The following EIF3A variants were observed in gnomAD, a reference collection of about 807,000 sequenced individuals.
EIF3A encodes EIF3, p180 subunit.
Under a neutral mutation model 186.6 loss-of-function variants are expected in EIF3A, and 21 were observed. The ratio of observed to expected loss-of-function variants is 0.11; its 90% CI spans 0.08 to 0.16. The LOEUF is 0.16. EIF3A is among the 10% of genes least tolerant of loss of function. EIF3A has a pLI of 1.00. For missense variants in EIF3A, 1,306 were observed against 1,796.3 expected, an observed-to-expected ratio of 0.73 and a Z score of 4.93; for synonymous variants, 563 against 584.3, an observed-to-expected ratio of 0.96 and a Z score of 0.52.
intron 7 of EIF3A, among the ~76,000 whole-genome samples, chr10:119,064,101 T>C (rs994379277): frequency 2.0e-5 from 3 of 152,108 alleles, no homozygotes; most frequent in African/African-American, 2.4e-5. Context: ...CAACACGTCT[T>C]AGGCTCCACA....
chr10:119,078,879 G>A (rs1219677670), intron 1 of EIF3A, among the ~76,000 whole-genome samples: 2 of 151,958 alleles, frequency 1.3e-5, no homozygotes, highest in Non-Finnish European at 2.9e-5. Context: ...AGCGATAAAG[G>A]AAACAAGACC....
chr10:119,058,383 T>C (rs7899678), intron 11 of EIF3A, 80 bp from the exon 12 acceptor site: 4 of 966,798 alleles, frequency 4.1e-6, no homozygotes, highest in Non-Finnish European at 6.0e-6. Flanking sequence ...TACAAAATAA[T>C]CCTGATGTAC....
chr10:119,049,746 C>T, intron 17 of EIF3A, 55 bp downstream of exon 17: 2 of 1,501,094 alleles, frequency 1.3e-6, no homozygotes, highest in Non-Finnish European at 1.8e-6. Context: ...TGTGCCTCAA[C>T]CAAAAAAAAA....
chr10:119,076,753 T>C (rs373831757), intron 1 of EIF3A, among the ~76,000 whole-genome samples: 2 of 151,952 alleles, frequency 1.3e-5, no homozygotes, highest in East Asian at 1.9e-4. Context: ...CTGGGCAACA[T>C]GGTGAAACCT....
At chr10:119,075,962 G>A (rs1311929176) in intron 1 of EIF3A, among the ~76,000 whole-genome samples, 3 of 130,582 alleles carry the variant, frequency 2.3e-5, no homozygotes, top group East Asian at 2.2e-4. Context: ...TCCTGACCTC[G>A]TGATCTGCCC....
chr10:119,052,363 T>TG (rs1848367277), intron 14 of EIF3A, among the ~76,000 whole-genome samples: 6 of 133,882 alleles, frequency 4.5e-5, no homozygotes, highest in African/African-American at 8.6e-5. Context: ...TAGTCTTTTT[T>TG]GGTTTTGTGT....
intron 6 of EIF3A, among the ~76,000 whole-genome samples, chr10:119,065,887 G>T (rs373739547): frequency 1.7e-3 from 247 of 148,778 alleles, no homozygotes; most frequent in Middle Eastern, 0.015. Flanking sequence ...GAGGCCAAGG[G>T]GGGCACATCA....
intron 17 of EIF3A, among the ~76,000 whole-genome samples, chr10:119,047,774 T>C (rs939094267): frequency 6.6e-6 from 1 of 152,076 alleles, no homozygotes; most frequent in Non-Finnish European, 1.5e-5. Flanking sequence ...ACCAAGGAAT[T>C]AGAACTACAA....
chr10:119,045,164 C>T (rs527847706), intron 17 of EIF3A, among the ~76,000 whole-genome samples: 1 of 152,112 alleles, frequency 6.6e-6, no homozygotes, highest in African/African-American at 2.4e-5. Context: ...ATGCTGGTCT[C>T]GAACTCCTGA....
In EIF3A at chr10:119,056,808, T is replaced by C. The variant is rs1177445051; in HGVS notation, c.2128A>G (p.Ile710Val). ...RAKRLEEIPL[I>V]KSAYEEQRIK... ...CTCTGTTCCTCGTAAGCGCTCTTTA[T>C]CAAAGGAATTTCTTCCAAACGTTTG... The change falls in exon 14 of 22, where the codon ATA becomes GTA. Residue 710 changes from isoleucine to valine, a missense_variant. By Grantham distance (29) the Ile-to-Val change is conservative. Transcript: ENST00000369144. 1 of 1,613,820 alleles carries C rather than the reference T, an allele frequency of 6.2e-7. No homozygotes were observed. Among genetic ancestry groups the C allele is most frequent in the East Asian group, 2.2e-5 (1 of 44,820 alleles).
intron 7 of EIF3A, among the ~76,000 whole-genome samples, chr10:119,062,239 A>G (rs1000671703): frequency 6.6e-6 from 1 of 152,170 alleles, no homozygotes; most frequent in Non-Finnish European, 1.5e-5. Context: ...TTTCATTCCT[A>G]TCAAGTTATT....
Position 119,042,620 on chromosome 10 carries a change from C to A in EIF3A, c.2900G>T (p.Gly967Val), listed in dbSNP as rs1441428483. 6.2e-7 allele frequency: 1 copy of A among 1,614,146 alleles called. No individual in the cohort carries two copies. Among genetic ancestry groups the A allele is most frequent in the East Asian group, 2.2e-5 (1 of 44,868 alleles). ...VPRRGMDDDRGPRRGPEEDRF... is the reference protein window; with the variant it reads ...VPRRGMDDDRVPRRGPEEDRF... ...ATCTTCCTCAGGACCACGTCTAGGGCCTCTGTCATCATCCATGCCACGCCG... is the reference window on the plus strand; with the variant it reads ...ATCTTCCTCAGGACCACGTCTAGGGACTCTGTCATCATCCATGCCACGCCG... The change falls in exon 19 of 22, where the codon GGC (glycine) becomes GTC (valine). Residue 967 changes from glycine (G) to valine (V), a missense_variant. Physicochemically the swap from Gly to Val is moderately radical, Grantham distance 109. Transcript: ENST00000369144. This position sits in a 1 kb window ranked among gnomAD's most constrained non-coding sequence, Gnocchi z 7.8.
intron 6 of EIF3A, among the ~76,000 whole-genome samples, chr10:119,066,574 A>G (rs2119819872): frequency 6.7e-6 from 1 of 149,774 alleles, no homozygotes; most frequent in Middle Eastern, 3.5e-3. Flanking sequence ...GCAGAAAAAA[A>G]TTTTAAGAAT....
chr10:119,073,106 T>C (rs751452611), intron 3 of EIF3A, 53 bp from the exon 4 acceptor site: 92 of 1,538,804 alleles, frequency 6.0e-5, no homozygotes, highest in Non-Finnish European at 7.7e-5. Flanking sequence ...TACTTTGCCA[T>C]GTGATTAAAA....
Position 119,034,771 on chromosome 10 carries a change from C to G in EIF3A, c.*1268G>C, listed in dbSNP as rs1315304823. 6.6e-6 allele frequency: 1 copy of G among 152,158 alleles called. No homozygotes were observed. The highest frequency in any genetic ancestry group is 1.5e-5 in the Non-Finnish European group (1 of 68,022). The allele number at this position is 152,158 out of a possible 1,614,324, so 9.4% of individuals were successfully genotyped here. ...ATTTTTCTAATTTCAGGTGAAAACC[C>G]AAGGTGGTACTTCAAACACGCACAT... On this transcript the variant is annotated 3_prime_UTR_variant, in exon 22 of 22. Coordinates refer to ENST00000369144, the MANE Select transcript of EIF3A (RefSeq NM_003750.4).
At position 119,057,967 on chromosome 10, in the gene EIF3A, T is replaced by C. The variant is rs753431981; in HGVS notation, c.1966A>G (p.Ile656Val). ...AAGATGCTACGTACTTCAATATCAA[T>C]ATCTTTGAATGCTTTGGCACCCAGT... Reference protein sequence around the residue: ...TELGAKAFKDIDIEDLEELDP... With the variant: ...TELGAKAFKDVDIEDLEELDP... The change falls in exon 12 of 22, where the codon ATT (isoleucine) becomes GTT (valine). Residue 656 changes from isoleucine (I) to valine (V), a missense_variant. Coordinates refer to ENST00000369144, the MANE Select transcript of EIF3A (RefSeq NM_003750.4). 1 of 1,611,044 alleles carries C rather than the reference T, an allele frequency of 6.2e-7. No homozygotes were observed. The highest frequency in any genetic ancestry group is 1.1e-5 in the South Asian group (1 of 90,478).
chr10:119,065,153 T>A (rs1243779290), intron 7 of EIF3A, among the ~76,000 whole-genome samples: 1 of 152,200 alleles, frequency 6.6e-6, no homozygotes, highest in African/African-American at 2.4e-5. Flanking sequence ...TCTTACTAAC[T>A]GGCCCACGGT....
At chr10:119,068,995 AG>A (rs1452851306) in intron 6 of EIF3A, among the ~76,000 whole-genome samples, 4 of 151,582 alleles carry the variant, frequency 2.6e-5, no homozygotes, top group Admixed American at 6.6e-5. Flanking sequence ...AAAAAAGAAA[AG>A]GAAAAAAAAG....
At chr10:119,048,948 T>C (rs988390494) in intron 17 of EIF3A, among the ~76,000 whole-genome samples, 1 of 152,190 alleles carries the variant, frequency 6.6e-6, no homozygotes, top group African/African-American at 2.4e-5. Context: ...ATTATAGGCA[T>C]GAGCCACCAC....
Sources: gnomAD v4.1 joint callset for allele counts (sites outside exome capture counted in the v4.1 genomes callset) on GRCh38, gnomAD v4.1.1 for gene constraint, Gnocchi (gnomAD v3.1) non-coding constraint, MANE v1.5 for transcripts, NCBI Gene and HGNC (gene_info 2026-07-23, HGNC 2026-07-21) for gene names.